SERPINB2: variants seen among roughly 807,000 people sequenced by gnomAD.
SERPINB2 encodes serpin family B member 2.
In SERPINB2, 28 loss-of-function variants were observed where a neutral mutation model predicts 39.4. The ratio of observed to expected loss-of-function variants is 0.71; its 90% CI spans 0.53 to 0.97. SERPINB2 has a LOEUF of 0.97. SERPINB2 is among the 50% of genes least tolerant of loss of function. The pLI is 0.00. For missense variants in SERPINB2, 557 were observed against 505.3 expected (o/e 1.10, Z -0.98); for synonymous variants, 209 against 175.1 (o/e 1.19, Z -1.53).
chr18:63,895,430 A>G, intron 3 of SERPINB2, 47 bp downstream of exon 3: 3 of 1,612,824 alleles, frequency 1.9e-6, no homozygotes, highest in Non-Finnish European at 2.5e-6. Context: ...TATTTTTGCA[A>G]TCTTCCTGTC....
intron 2 of SERPINB2, among the ~76,000 whole-genome samples, chr18:63,894,193 G>T (rs1281134383): frequency 2.6e-5 from 4 of 152,138 alleles, no homozygotes; most frequent in Non-Finnish European, 5.9e-5. Context: ...AAAGAACCCT[G>T]ATTTAAGGGT....
intron 5 of SERPINB2, among the ~76,000 whole-genome samples, chr18:63,900,896 G>A (rs1181130415): frequency 6.6e-6 from 1 of 152,084 alleles, no homozygotes; most frequent in African/African-American, 2.4e-5. Flanking sequence ...AAGCTTACCA[G>A]CATTGTAACG....
rs1355735001 is a variant in SERPINB2, at chr18:63,901,846, G to A, written c.642G>A (p.Lys214=). ...FKGKWKTPFE[K]KLNGLYPFRV... ...GAAAGTGGAAAACTCCATTTGAGAA[G>A]AAACTAAATGGGCTTTATCCTTTCC... The change falls in exon 6 of 8, where the codon AAG becomes AAA. Residue 214 remains lysine (K), a synonymous_variant. Coordinates refer to ENST00000299502, the MANE Select transcript of SERPINB2 (RefSeq NM_002575.3). 6.2e-7 allele frequency: 1 copy of A among 1,603,498 alleles called. No homozygotes were observed. The highest frequency in any genetic ancestry group is 8.5e-7 in the Non-Finnish European group (1 of 1,177,060).
rs770807811 is a variant in SERPINB2, at chr18:63,902,965, A to G, written c.908A>G (p.Asp303Gly). The change falls in exon 8 of 8, where the codon GAT (aspartate) becomes GGT (glycine). Residue 303 changes from aspartate (D) to glycine (G), a missense_variant. Physicochemically the swap from Asp to Gly is moderately conservative, Grantham distance 94. Coordinates refer to ENST00000299502, the MANE Select transcript of SERPINB2 (RefSeq NM_002575.3). ...ACCAGCAAAGACAAAATGGCTGAAG[A>G]TGAAGTTGAGGTATACATACCCCAG... is the stretch of plus-strand genomic sequence containing the variant. ...KWTSKDKMAE[D>G]EVEVYIPQFK... 6.2e-7 allele frequency: 1 copy of G among 1,613,638 alleles called. No homozygotes were observed. Among genetic ancestry groups the G allele is most frequent in the South Asian group, 1.1e-5 (1 of 91,012 alleles).
In SERPINB2 at chr18:63,902,905, A is replaced by G. The variant is rs753893798; in HGVS notation, c.848A>G (p.Glu283Gly). The G allele has an allele frequency of 3.2e-6, 5 of 1,584,672 alleles. No homozygotes were observed. Among genetic ancestry groups the G allele is most frequent in the Admixed American group, 1.8e-5 (1 of 55,146 alleles). Residue 283 changes from glutamate (E) to glycine (G), a missense_variant, in exon 8 of 8, where the codon GAA becomes GGA. Coordinates refer to ENST00000299502, the MANE Select transcript of SERPINB2 (RefSeq NM_002575.3). ...TTGTTTTGTTTTGCTTTGCAGCTGGAAAGTGAAATAACCTATGACAAACTC... is the reference window on the plus strand; with the variant it reads ...TTGTTTTGTTTTGCTTTGCAGCTGGGAAGTGAAATAACCTATGACAAACTC... ...ADVSTGLELL[E>G]SEITYDKLNK...
In SERPINB2 at chr18:63,903,436, C is replaced by T. The variant is rs1461645532; in HGVS notation, c.*131C>T. 6.3e-6 allele frequency: 5 copies of T among 794,924 alleles called. No individual in the cohort carries two copies. Among genetic ancestry groups the T allele is most frequent in the Admixed American group, 3.6e-5 (1 of 27,976 alleles). The allele number at this position is 794,924 out of a possible 1,614,324, so 49.2% of individuals were successfully genotyped here. ...GCTCTTCTGAACAACTTCTGCTACCCACTAAATAAAAACACAGAAATAATT... is the reference window on the plus strand; with the variant it reads ...GCTCTTCTGAACAACTTCTGCTACCTACTAAATAAAAACACAGAAATAATT... On this transcript the variant is annotated 3_prime_UTR_variant, in exon 8 of 8. Coordinates refer to ENST00000299502, the MANE Select transcript of SERPINB2 (RefSeq NM_002575.3).
intron 5 of SERPINB2, among the ~76,000 whole-genome samples, chr18:63,899,855 T>A (rs2049981723): frequency 6.6e-6 from 1 of 152,232 alleles, no homozygotes; most frequent in African/African-American, 2.4e-5. Flanking sequence ...AACTAAGTGC[T>A]ATGGGATTTC....
rs143919626 is a variant in SERPINB2 at position 63,895,517 on chromosome 18, G to C, written c.288+134G>C. The C allele has an allele frequency of 1.1e-4, 122 of 1,139,056 alleles. No individual in the cohort carries two copies. In the African/African-American group the frequency reaches 1.8e-3, roughly 16 times the overall value. 70.6% of individuals were successfully genotyped at this position (1,139,056 alleles called of 1,614,324 possible). On this transcript the variant is annotated intron_variant, in intron 3 of 7. Coordinates refer to ENST00000299502, the MANE Select transcript of SERPINB2 (RefSeq NM_002575.3). ...CACAGAAAGAAAACTAAGACTCAGA[G>C]TCATTAAGAAAAACATGTCCTAAGA...
rs768061615 is a variant in SERPINB2, at chr18:63,902,890, T to C, written c.844-11T>C. On this transcript the variant is annotated splice_polypyrimidine_tract_variant and intron_variant, in intron 7 of 7. Transcript: ENST00000299502. ...TTTCTTTTGTTTGTTTTGTTTTGTTTTGCTTTGCAGCTGGAAAGTGAAATA... is the reference window on the plus strand; with the variant it reads ...TTTCTTTTGTTTGTTTTGTTTTGTTCTGCTTTGCAGCTGGAAAGTGAAATA... 7.7e-6 allele frequency: 12 copies of C among 1,565,548 alleles called. No individual in the cohort carries two copies. Among genetic ancestry groups the C allele is most frequent in the Non-Finnish European group, 1.0e-5 (12 of 1,156,412 alleles).
intron 3 of SERPINB2, among the ~76,000 whole-genome samples, chr18:63,896,671 C>T (rs1173397951): frequency 1.3e-5 from 2 of 152,294 alleles, no homozygotes; most frequent in East Asian, 1.9e-4. Flanking sequence ...TCACAAATTT[C>T]AAGTAAACAG....
chr18:63,893,974 A>T (rs895198056), intron 2 of SERPINB2, among the ~76,000 whole-genome samples: 4 of 152,174 alleles, frequency 2.6e-5, no homozygotes, highest in African/African-American at 9.7e-5. Flanking sequence ...TACATAAAAG[A>T]TATAAGCTCC....
chr18:63,897,306 A>C, intron 4 of SERPINB2, 87 bp downstream of exon 4: 1 of 1,483,210 alleles, frequency 6.7e-7, no homozygotes, highest in Non-Finnish European at 9.0e-7. Context: ...TCAACAGTTC[A>C]TAAAAGCAGA....
Position 63,901,730 on chromosome 18 carries a change from T to C in SERPINB2, c.536-10T>C. 6.5e-7 allele frequency: 1 copy of C among 1,532,988 alleles called. No individual in the cohort carries two copies. The highest frequency in any genetic ancestry group is 1.3e-5 in the South Asian group (1 of 75,804). The allele number at this position is 1,532,988 out of a possible 1,614,324, so 95.0% of individuals were successfully genotyped here. A position where few individuals can be genotyped will look rare whatever the true frequency, so the allele number is the denominator to read the frequency against. On this transcript the variant is annotated splice_polypyrimidine_tract_variant and intron_variant, in intron 5 of 7. Transcript: ENST00000299502. ...TTATGAAACCTAAATATATGTTATG[T>C]TTTCTGTAGGCAAAATCCCAAACTT...
intron 5 of SERPINB2, among the ~76,000 whole-genome samples, chr18:63,899,691 C>A (rs1281612175): frequency 6.6e-6 from 1 of 152,128 alleles, no homozygotes; most frequent in Non-Finnish European, 1.5e-5. Flanking sequence ...TCTTCTGATC[C>A]TTAGTCTAAC....
At position 63,891,594 on chromosome 18, in the gene SERPINB2, C is replaced by T. The variant is rs762826443; in HGVS notation, c.150C>T (p.Thr50=). ...AMVYMGSRGS[T]EDQMAKVLQF... is the part of the protein sequence containing the mutation. ...TCTACATGGGCTCCAGGGGCAGCAC[C>T]GAAGACCAGATGGCCAAGGTGAGTT... The change falls in exon 2 of 8, where the codon ACC becomes ACT. Residue 50 remains threonine (T), a synonymous_variant. Coordinates refer to ENST00000299502, the MANE Select transcript of SERPINB2 (RefSeq NM_002575.3). 2.8e-5 allele frequency: 45 copies of T among 1,613,600 alleles called. No individual in the cohort carries two copies. In the Admixed American group the frequency reaches 3.0e-4, roughly 11 times the overall value.
intron 3 of SERPINB2, 37 bp from the exon 4 acceptor site, chr18:63,897,054 T>A: frequency 6.3e-7 from 1 of 1,595,028 alleles, no homozygotes; most frequent in African/African-American, 1.3e-5. Flanking sequence ...TTAGTAGTTC[T>A]GTGTTATATA....
rs974556361 is a variant in SERPINB2 at position 63,903,507 on chromosome 18, C to A, written c.*202C>A. 7.5e-6 allele frequency: 3 copies of A among 399,600 alleles called. No individual in the cohort carries two copies. The East Asian group carries it at 1.2e-4, about 16-fold the overall frequency. 24.8% of individuals were successfully genotyped at this position (399,600 alleles called of 1,614,324 possible). On this transcript the variant is annotated 3_prime_UTR_variant, in exon 8 of 8. Coordinates refer to ENST00000299502, the MANE Select transcript of SERPINB2 (RefSeq NM_002575.3). ...ATGACAACCCTATTAATCATTTGGTCTTCTAAAATGGGATCATGCCCATTT... is the reference window on the plus strand; with the variant it reads ...ATGACAACCCTATTAATCATTTGGTATTCTAAAATGGGATCATGCCCATTT...
rs769963428 is a variant in SERPINB2 at position 63,895,295 on chromosome 18, C to T, written c.200C>T (p.Ala67Val). The T allele has an allele frequency of 1.2e-6, 2 of 1,614,018 alleles. No homozygotes were observed. Among genetic ancestry groups the T allele is most frequent in the Non-Finnish European group, 1.7e-6 (2 of 1,179,930 alleles). Residue 67 changes from alanine to valine, a missense_variant, in exon 3 of 8, where the codon GCA (alanine) becomes GTA (valine). Coordinates refer to ENST00000299502, the MANE Select transcript of SERPINB2 (RefSeq NM_002575.3). Reference protein sequence around the residue: ...VLQFNEVGANAVTPMTPENFT... With the variant: ...VLQFNEVGANVVTPMTPENFT... Reference sequence around the variant, plus strand: ...CAGTTTAATGAAGTGGGAGCCAATGCAGTTACCCCCATGACTCCAGAGAAC... The same window carrying T: ...CAGTTTAATGAAGTGGGAGCCAATGTAGTTACCCCCATGACTCCAGAGAAC...
chr18:63,894,058 C>A (rs1193099152), intron 2 of SERPINB2, among the ~76,000 whole-genome samples: 1 of 152,120 alleles, frequency 6.6e-6, no homozygotes, highest in Non-Finnish European at 1.5e-5. Context: ...CCATCCAGGC[C>A]AAACTGCCTC....
Sources: gnomAD v4.1 joint callset for allele counts (sites outside exome capture counted in the v4.1 genomes callset) on GRCh38, gnomAD v4.1.1 for gene constraint, MANE v1.5 for transcripts, NCBI Gene and HGNC (gene_info 2026-07-23, HGNC 2026-07-21) for gene names.